The following SMARCA5 variants were observed in gnomAD, a reference collection of about 807,000 sequenced individuals.
The protein encoded by SMARCA5 is SNF2 related chromatin remodeling ATPase 5, also known as SWI/SNF-related matrix-associated actin-dependent regulator of chromatin subfamily A member 5.
In SMARCA5, 18 loss-of-function variants were observed where a neutral mutation model predicts 140.4. That is an observed-to-expected ratio of 0.13 (90% CI 0.09 to 0.19). SMARCA5 has a LOEUF of 0.19. Among genes scored for constraint, SMARCA5 ranks in the 10% least tolerant of loss-of-function variants. The pLI is 1.00. For synonymous variants in SMARCA5, 449 were observed against 419.6 expected (o/e 1.07, Z -0.86); for missense variants, 606 against 1,276.8 (o/e 0.47, Z 8.01).
intron 4 of SMARCA5, among the ~76,000 whole-genome samples, chr4:143,524,901 G>A (rs1428932800): frequency 6.6e-6 from 1 of 152,052 alleles, no homozygotes; most frequent in Non-Finnish European, 1.5e-5. Flanking sequence ...GCTACACTGT[G>A]TACATATTAA....
At chr4:143,550,472 A>G (rs1737620783) in intron 23 of SMARCA5, among the ~76,000 whole-genome samples, 1 of 152,012 alleles carries the variant, frequency 6.6e-6, no homozygotes, top group African/African-American at 2.4e-5. Flanking sequence ...TAGTTATTTT[A>G]AAATGTATAA....
At chr4:143,528,531 A>G (rs759809222) in intron 7 of SMARCA5, 52 bp from the exon 8 acceptor site, 14 of 1,539,864 alleles carry the variant, frequency 9.1e-6, no homozygotes, top group Non-Finnish European at 1.2e-5. Flanking sequence ...GCTGTTGTAG[A>G]TAATGCAATA....
At chr4:143,534,470 C>T (rs1050564894) in intron 9 of SMARCA5, among the ~76,000 whole-genome samples, 6 of 152,066 alleles carry the variant, frequency 3.9e-5, no homozygotes, top group Non-Finnish European at 5.9e-5. Context: ...TTAAATATAC[C>T]GACCTTTTCC....
At chr4:143,535,863 A>C (rs2149821699) in intron 10 of SMARCA5, among the ~76,000 whole-genome samples, 1 of 152,250 alleles carries the variant, frequency 6.6e-6, no homozygotes, top group Middle Eastern at 3.4e-3. Flanking sequence ...AAGGCTTTTT[A>C]TAATCTGGCC....
intron 13 of SMARCA5, 81 bp from the exon 14 acceptor site, chr4:143,540,281 AT>A: frequency 1.9e-5 from 21 of 1,079,860 alleles, no homozygotes; most frequent in Admixed American, 2.8e-5. Flanking sequence ...GAATATTTTA[AT>A]TTTTTTTCTC....
At chr4:143,540,049 G>A (rs977786964) in intron 13 of SMARCA5, among the ~76,000 whole-genome samples, 11 of 152,120 alleles carry the variant, frequency 7.2e-5, no homozygotes, top group Non-Finnish European at 7.4e-5. Context: ...TCACTTCTTT[G>A]CCTGATAGCA....
chr4:143,551,703 T>G (rs1560823455), intron 23 of SMARCA5, among the ~76,000 whole-genome samples: 1 of 152,090 alleles, frequency 6.6e-6, no homozygotes, highest in Non-Finnish European at 1.5e-5. Flanking sequence ...ATGAGTTCCA[T>G]GTAGATGTAT....
chr4:143,525,315 TG>T, intron 4 of SMARCA5, 135 bp from the exon 5 acceptor site: 1 of 628,834 alleles, frequency 1.6e-6, no homozygotes, highest in Non-Finnish European at 2.9e-6. Context: ...TCTAGTATTT[TG>T]GAACTTGCAG....
chr4:143,529,469 T>C (rs1159465199), intron 8 of SMARCA5, among the ~76,000 whole-genome samples: 1 of 152,228 alleles, frequency 6.6e-6, no homozygotes, highest in Non-Finnish European at 1.5e-5. Flanking sequence ...TCTTATATTA[T>C]AGTCTAACAA....
At position 143,556,494 on chromosome 4, in the gene SMARCA5, G is replaced by A. The variant is rs1277865526; in HGVS notation, c.*3310G>A. On this transcript the variant is annotated 3_prime_UTR_variant, in exon 24 of 24. Transcript: ENST00000283131. Reference sequence around the variant, plus strand: ...GGAGTAGAACATTGCTAAAAAAATGGGTACTAAGGAGGGTAATTTAAACAA... The same window carrying A: ...GGAGTAGAACATTGCTAAAAAAATGAGTACTAAGGAGGGTAATTTAAACAA... The A allele has an allele frequency of 1.3e-5, 2 of 152,082 alleles. No individual in the cohort carries two copies. Among genetic ancestry groups the A allele is most frequent in the East Asian group, 3.8e-4 (2 of 5,198 alleles). The allele number at this position is 152,082 out of a possible 1,614,324, so 9.4% of individuals were successfully genotyped here. A position where few individuals can be genotyped will look rare whatever the true frequency, so the allele number is the denominator to read the frequency against.
At chr4:143,528,362 A>G (rs1332684313) in intron 7 of SMARCA5, among the ~76,000 whole-genome samples, 1 of 152,134 alleles carries the variant, frequency 6.6e-6, no homozygotes, top group Non-Finnish European at 1.5e-5. Context: ...TTCCTGTGTT[A>G]GTTTACTGAG....
intron 13 of SMARCA5, 55 bp from the exon 14 acceptor site, chr4:143,540,308 G>A: frequency 7.1e-7 from 1 of 1,416,596 alleles, no homozygotes; most frequent in Non-Finnish European, 9.6e-7. Flanking sequence ...ACCCATTTCA[G>A]TGTTATTTAT....
rs1420405066 is a variant in SMARCA5, at chr4:143,557,485, A to G, written c.*4301A>G. The G allele has an allele frequency of 1.3e-5, 2 of 152,202 alleles. No individual in the cohort carries two copies. The highest frequency in any genetic ancestry group is 4.8e-5 in the African/African-American group (2 of 41,452). 9.4% of individuals were successfully genotyped at this position (152,202 alleles called of 1,614,324 possible). A position where few individuals can be genotyped will look rare whatever the true frequency, so the allele number is the denominator to read the frequency against. ...CACTTCATTAAACTTTTGAAGTCCT[A>G]ATTTAGTTCATGTGATTATTTGTAA... On this transcript the variant is annotated 3_prime_UTR_variant, in exon 24 of 24. Coordinates refer to ENST00000283131, the MANE Select transcript of SMARCA5 (RefSeq NM_003601.4).
chr4:143,538,449 A>G, intron 11 of SMARCA5, 141 bp from the exon 12 acceptor site: 2 of 659,436 alleles, frequency 3.0e-6, no homozygotes, highest in Non-Finnish European at 5.3e-6. Context: ...GACTTGGATA[A>G]TAATGTGTAG....
rs1283305121 is a variant in SMARCA5 at position 143,556,004 on chromosome 4, G to C, written c.*2820G>C. Reference sequence around the variant, plus strand: ...CCTACATTTTGTTTTTCATAAAGTTGAGAGAAGCAAATCCTAAGCATAGAG... The same window carrying C: ...CCTACATTTTGTTTTTCATAAAGTTCAGAGAAGCAAATCCTAAGCATAGAG... On this transcript the variant is annotated 3_prime_UTR_variant, in exon 24 of 24. Transcript: ENST00000283131. The C allele has an allele frequency of 1.3e-5, 2 of 152,158 alleles. No individual in the cohort carries two copies. Among genetic ancestry groups the C allele is most frequent in the Non-Finnish European group, 2.9e-5 (2 of 68,054 alleles). 9.4% of individuals were successfully genotyped at this position (152,158 alleles called of 1,614,324 possible).
Position 143,547,521 on chromosome 4 carries a change from AAGTT to A in SMARCA5, c.2772+21_2772+24del. ...ACACAAAGGTAATTTGCTTGTTAATAAGTTAGGTAGTTAATAAAATAACTCCTAG... is the reference window on the plus strand; with the variant it reads ...ACACAAAGGTAATTTGCTTGTTAATAAGGTAGTTAATAAAATAACTCCTAG... On this transcript the variant is annotated intron_variant, in intron 21 of 23. Transcript: ENST00000283131. The A allele has an allele frequency of 7.7e-7, 1 of 1,294,048 alleles. No homozygotes were observed. The highest frequency in any genetic ancestry group is 1.1e-6 in the Non-Finnish European group (1 of 889,872). The allele number at this position is 1,294,048 out of a possible 1,614,324, so 80.2% of individuals were successfully genotyped here.
Position 143,518,350 on chromosome 4 carries a change from A to C in SMARCA5, c.252+921A>C, listed in dbSNP as rs180980538. Among the ~76,000 whole-genome samples, 319 of 152,288 alleles carry C rather than the reference A, an allele frequency of 2.1e-3. 1 individual carries two copies. The highest frequency in any genetic ancestry group is 7.3e-3 in the African/African-American group (303 of 41,576). ...TTACTCCGTATCTGACCCTGTTAGG[A>C]ATGCTTTATATGGATTAAACTCATT... On this transcript the variant is annotated intron_variant, in intron 2 of 23. Transcript: ENST00000283131.
Position 143,540,261 on chromosome 4 carries a change from T to TTA in SMARCA5, c.1771-98_1771-97dup, listed in dbSNP as rs905662207. 179 of 903,434 alleles carry TTA rather than the reference T, an allele frequency of 2.0e-4. 1 individual carries two copies. The African/African-American group carries it at 2.9e-3, about 15-fold the overall frequency. The allele number at this position is 903,434 out of a possible 1,614,324, so 56.0% of individuals were successfully genotyped here. ...GTGTTATTACAAATTTTTAAAAGTT[T>TTA]TATATTTCAGAATATTTTAATTTTT... On this transcript the variant is annotated intron_variant, in intron 13 of 23. Coordinates refer to ENST00000283131, the MANE Select transcript of SMARCA5 (RefSeq NM_003601.4).
chr4:143,534,152 C>T (rs1014990305), intron 9 of SMARCA5, among the ~76,000 whole-genome samples: 4 of 151,414 alleles, frequency 2.6e-5, no homozygotes, highest in African/African-American at 4.9e-5. Context: ...AAGGTGTGTA[C>T]GTTGTTTTTT....
Sources: gnomAD v4.1 joint callset for allele counts (sites outside exome capture counted in the v4.1 genomes callset) on GRCh38, gnomAD v4.1.1 for gene constraint, MANE v1.5 for transcripts, NCBI Gene and HGNC (gene_info 2026-07-23, HGNC 2026-07-21) for gene names.